The following FRMD5 variants were observed in gnomAD, a reference collection of about 807,000 sequenced individuals.
FRMD5 encodes FERM domain containing 5, also known as FERM domain-containing protein 5.
Under a neutral mutation model 69.0 loss-of-function variants are expected in FRMD5, and 20 were observed. That is an observed-to-expected ratio of 0.29 (90% CI 0.20 to 0.42). FRMD5 has a LOEUF of 0.42. Among genes scored for constraint, FRMD5 ranks in the 10% least tolerant of loss-of-function variants. The probability of loss-of-function intolerance (pLI) is 1.00; values close to 1 mark genes in which losing one functional copy is unlikely to be tolerated. For synonymous variants in FRMD5, 271 were observed against 260.1 expected (o/e 1.04, Z -0.40); for missense variants, 595 against 708.6 (o/e 0.84, Z 1.82).
At chr15:44,164,509 C>T (rs748230524) in intron 1 of FRMD5, among the ~76,000 whole-genome samples, 2 of 152,084 alleles carry the variant, frequency 1.3e-5, no homozygotes, top group Non-Finnish European at 2.9e-5. Flanking sequence ...TGATGTTAGC[C>T]TATTCACTAG....
At chr15:43,883,647 G>T in intron 13 of FRMD5, 56 bp downstream of exon 13, 1 of 1,270,228 alleles carries the variant, frequency 7.9e-7, no homozygotes, top group Non-Finnish European at 1.1e-6. Context: ...TCTTTTCAAG[G>T]TCCCAGATCA....
chr15:44,165,563 T>C (rs1365543408), intron 1 of FRMD5, among the ~76,000 whole-genome samples: 5 of 151,944 alleles, frequency 3.3e-5, no homozygotes, highest in African/African-American at 7.3e-5. Flanking sequence ...CAGCTGGCCA[T>C]GGTAGCTCAT....
chr15:44,095,287 C>T (rs1595714824), intron 1 of FRMD5, among the ~76,000 whole-genome samples: 1 of 151,932 alleles, frequency 6.6e-6, no homozygotes. Flanking sequence ...ACTGCACCCT[C>T]AATCTCCTGG....
At chr15:44,126,980 C>T (rs2077032137) in intron 1 of FRMD5, among the ~76,000 whole-genome samples, 1 of 152,206 alleles carries the variant, frequency 6.6e-6, no homozygotes, top group Non-Finnish European at 1.5e-5. Flanking sequence ...GTACTTTGAT[C>T]CTAATGAATG....
At chr15:44,002,369 C>G (rs1028150663) in intron 1 of FRMD5, among the ~76,000 whole-genome samples, 3 of 152,088 alleles carry the variant, frequency 2.0e-5, no homozygotes, top group Non-Finnish European at 4.4e-5. Context: ...TGGGTTTACA[C>G]TAATATCTCT....
intron 1 of FRMD5, among the ~76,000 whole-genome samples, chr15:43,966,379 A>T (rs548789701): frequency 3.9e-5 from 6 of 151,978 alleles, no homozygotes; most frequent in Admixed American, 1.3e-4. Context: ...GTCTCTAAAA[A>T]AACAAAACAA....
chr15:43,888,869 A>T lies in FRMD5; in HGVS notation c.732T>A (p.Asn244Lys), dbSNP rs923840360. ...CTTCAAATTTCAGCTTGGTCACCTC[A>T]TTCCTAGAAGCACAAAGATAGTGCC... Reference protein sequence around the residue: ...GNKRVHFIKWNEVTKLKFEGK... With the variant: ...GNKRVHFIKWKEVTKLKFEGK... The change falls in exon 9 of 14, where the codon AAT becomes AAA. Residue 244 changes from asparagine to lysine, a missense_variant. This residue lies in a region of FRMD5 where 176 missense variants were observed against 266.3 expected (regional missense o/e 0.66). Coordinates refer to ENST00000417257, the MANE Select transcript of FRMD5 (RefSeq NM_032892.5). 6.2e-7 allele frequency: 1 copy of T among 1,612,612 alleles called. No homozygotes were observed. The highest frequency in any genetic ancestry group is 1.3e-5 in the African/African-American group (1 of 74,888).
At chr15:44,045,682 T>C (rs1362848929) in intron 1 of FRMD5, among the ~76,000 whole-genome samples, 1 of 152,072 alleles carries the variant, frequency 6.6e-6, no homozygotes, top group African/African-American at 2.4e-5. Flanking sequence ...AACAAAATGA[T>C]AGGAGTGGTT....
intron 1 of FRMD5, among the ~76,000 whole-genome samples, chr15:43,975,892 A>G (rs775414416): frequency 2.5e-4 from 38 of 152,232 alleles, no homozygotes; most frequent in Non-Finnish European, 5.0e-4. Context: ...ACAATAACCA[A>G]GACAGTGTGG....
intron 13 of FRMD5, among the ~76,000 whole-genome samples, chr15:43,877,267 G>A (rs116449597): frequency 0.017 from 2,626 of 152,302 alleles, 71 homozygotes; most frequent in African/African-American, 0.06. Flanking sequence ...GCTCAGTAAA[G>A]GTTTTACCTA....
rs780741078 is a variant in FRMD5, at chr15:44,107,156, C to T, written c.102+87797G>A. Among the ~76,000 whole-genome samples, 7 of 151,528 alleles carry T rather than the reference C, an allele frequency of 4.6e-5. 1 individual carries two copies. Among genetic ancestry groups the T allele is most frequent in the Non-Finnish European group, 8.8e-5 (6 of 67,942 alleles). Reference sequence around the variant, plus strand: ...TACAAAATGTATTTTCATTCACAAACGAAATATTTGAGAAGGTTGATAGGC... The same window carrying T: ...TACAAAATGTATTTTCATTCACAAATGAAATATTTGAGAAGGTTGATAGGC... On this transcript the variant is annotated intron_variant, in intron 1 of 13. Coordinates refer to ENST00000417257, the MANE Select transcript of FRMD5 (RefSeq NM_032892.5).
chr15:43,965,105 G>A (rs2140556199), intron 1 of FRMD5, among the ~76,000 whole-genome samples: 1 of 152,238 alleles, frequency 6.6e-6, no homozygotes, highest in Non-Finnish European at 1.5e-5. Context: ...AAATTGACAG[G>A]GATTCCAGCG....
chr15:44,046,630 T>G (rs1042063917), intron 1 of FRMD5, among the ~76,000 whole-genome samples: 7 of 152,208 alleles, frequency 4.6e-5, no homozygotes, highest in Non-Finnish European at 1.0e-4. Context: ...TGACACACAT[T>G]TTTTTGGCTC....
At chr15:44,162,676 T>A (rs1303021793) in intron 1 of FRMD5, among the ~76,000 whole-genome samples, 1 of 149,756 alleles carries the variant, frequency 6.7e-6, no homozygotes, top group East Asian at 2.0e-4. Flanking sequence ...GAGACCAGCC[T>A]GACCAACATG....
chr15:43,989,023 G>A, intron 1 of FRMD5: 1 of 815,504 alleles, frequency 1.2e-6, no homozygotes, highest in South Asian at 1.3e-5. Flanking sequence ...GTTAGGTTTT[G>A]TCAAGAAAGG....
chr15:44,012,638 C>T (rs1217150641), intron 1 of FRMD5, among the ~76,000 whole-genome samples: 1 of 151,944 alleles, frequency 6.6e-6, no homozygotes, highest in Non-Finnish European at 1.5e-5. Flanking sequence ...GATATGACTA[C>T]TAATGTTATG....
chr15:44,107,043 T>C (rs2076729844), intron 1 of FRMD5, among the ~76,000 whole-genome samples: 2 of 152,344 alleles, frequency 1.3e-5, no homozygotes, highest in South Asian at 2.1e-4. Flanking sequence ...TTTGAAAATA[T>C]CTGTGACTCC....
intron 1 of FRMD5, among the ~76,000 whole-genome samples, chr15:44,162,867 C>T (rs1472960098): frequency 2.7e-5 from 1 of 37,298 alleles, no homozygotes; most frequent in Non-Finnish European, 5.6e-5. Context: ...AACTCCGTCT[C>T]AAAAAAAAAA....
chr15:43,951,996 G>GTC (rs1405472640), intron 1 of FRMD5, among the ~76,000 whole-genome samples: 2 of 102,088 alleles, frequency 2.0e-5, no homozygotes, highest in East Asian at 2.9e-4. Flanking sequence ...GTGTGTGTGT[G>GTC]TGTCTGTGTG....
Sources: allele counts gnomAD v4.1 joint callset (sites outside exome capture counted in the v4.1 genomes callset), GRCh38; gene constraint gnomAD v4.1.1; regional missense constraint gnomAD v4.1.1; transcripts MANE v1.5; gene names NCBI Gene and HGNC (gene_info 2026-07-23, HGNC 2026-07-21).